Variants in CREB1 observed in about 807,000 individuals in gnomAD.
The protein encoded by CREB1 is cAMP responsive element binding protein 1.
In CREB1, 2 loss-of-function variants were observed where a neutral mutation model predicts 42.0. The observed-to-expected ratio is 0.05, with a 90% confidence interval of 0.02 to 0.15. The LOEUF (loss-of-function observed/expected upper bound fraction) is 0.15, where lower values mean the gene tolerates loss of function less well. Among genes scored for constraint, CREB1 ranks in the 10% least tolerant of loss-of-function variants. CREB1 has a pLI of 1.00. For missense variants in CREB1, 199 were observed against 388.9 expected, an observed-to-expected ratio of 0.51 and a Z score of 4.11; for synonymous variants, 123 against 139.9, an observed-to-expected ratio of 0.88 and a Z score of 0.85.
intron 7 of CREB1, among the ~76,000 whole-genome samples, chr2:207,587,524 G>A (rs1239748076): frequency 6.6e-6 from 1 of 152,048 alleles, no homozygotes; most frequent in African/African-American, 2.4e-5. Flanking sequence ...CAGTAGCTAA[G>A]ATAGGGAATC....
chr2:207,551,615 A>G (rs1255838023), intron 1 of CREB1, among the ~76,000 whole-genome samples: 3 of 152,194 alleles, frequency 2.0e-5, no homozygotes, highest in Admixed American at 6.5e-5. Flanking sequence ...GTGACCTCTT[A>G]CTCAATGGGT....
At chr2:207,548,808 T>G (rs1463401675) in intron 1 of CREB1, among the ~76,000 whole-genome samples, 2 of 152,166 alleles carry the variant, frequency 1.3e-5, no homozygotes, top group African/African-American at 4.8e-5. Flanking sequence ...TTGCCCTGTT[T>G]TTGATGACTA....
In CREB1 at chr2:207,605,057, C is replaced by T. The variant is rs917473360; in HGVS notation, c.*7999C>T. On this transcript the variant is annotated 3_prime_UTR_variant, in exon 8 of 8. Transcript: ENST00000353267. Reference sequence around the variant, plus strand: ...ATGTTCGTGTACAAGTATTTGAGTCCGTGTTTTCAATTATTTGGGGTATAT... The same window carrying T: ...ATGTTCGTGTACAAGTATTTGAGTCTGTGTTTTCAATTATTTGGGGTATAT... Among the ~76,000 whole-genome samples, 1 of 152,040 alleles carries T rather than the reference C, an allele frequency of 6.6e-6. No individual in the cohort carries two copies. Among genetic ancestry groups the T allele is most frequent in the Non-Finnish European group, 1.5e-5 (1 of 68,018 alleles).
chr2:207,539,707 G>A lies in CREB1; in HGVS notation c.-9+9573G>A, dbSNP rs1042784444. ...TACATGACAGAGTTTTTACTGTCTT[G>A]AAGAGCTACAGAGTTCAGAAGAGAA... On this transcript the variant is annotated intron_variant, in intron 1 of 7. Transcript: ENST00000353267. 2.6e-5 allele frequency among the ~76,000 whole-genome samples: 4 copies of A among 152,260 alleles called. No homozygotes were observed. The East Asian group carries it at 5.8e-4, about 22-fold the overall frequency.
chr2:207,587,794 G>A (rs1307835553), intron 7 of CREB1, among the ~76,000 whole-genome samples: 1 of 152,178 alleles, frequency 6.6e-6, no homozygotes, highest in Admixed American at 6.5e-5. Context: ...GCCTGGGAAG[G>A]GAAGGTGAGA....
chr2:207,539,966 G>T (rs914372237), intron 1 of CREB1, among the ~76,000 whole-genome samples: 3 of 152,206 alleles, frequency 2.0e-5, no homozygotes, highest in African/African-American at 7.2e-5. Context: ...TGAGTTTCAT[G>T]TAAGAGAAGG....
intron 5 of CREB1, among the ~76,000 whole-genome samples, chr2:207,574,487 T>C (rs1482579841): frequency 6.6e-6 from 1 of 152,204 alleles, no homozygotes; most frequent in East Asian, 1.9e-4. Flanking sequence ...TTTCATAAAG[T>C]GAAATATCTA....
In CREB1 at chr2:207,603,749, T is replaced by C. The variant is rs1297645632; in HGVS notation, c.*6691T>C. 1.3e-5 allele frequency among the ~76,000 whole-genome samples: 2 copies of C among 152,142 alleles called. No homozygotes were observed. Among genetic ancestry groups the C allele is most frequent in the African/African-American group, 4.8e-5 (2 of 41,434 alleles). ...GTGTTCACTGAAAGGACAATAAGAC[T>C]ATATACCTTCTCAGGTCCCCTTGCA... On this transcript the variant is annotated 3_prime_UTR_variant, in exon 8 of 8. Coordinates refer to ENST00000353267, the MANE Select transcript of CREB1 (RefSeq NM_004379.5).
chr2:207,563,080 G>T (rs2082014253), intron 3 of CREB1, among the ~76,000 whole-genome samples: 1 of 152,162 alleles, frequency 6.6e-6, no homozygotes, highest in South Asian at 2.1e-4. Context: ...ATGATGTGGA[G>T]GGAAGGGTGT....
intron 7 of CREB1, among the ~76,000 whole-genome samples, chr2:207,591,035 G>C (rs1461058810): frequency 6.6e-6 from 1 of 152,058 alleles, no homozygotes; most frequent in African/African-American, 2.4e-5. Flanking sequence ...ATCTTCCCAG[G>C]TGTTTTATGG....
chr2:207,568,478 C>A (rs2082225833), intron 4 of CREB1, among the ~76,000 whole-genome samples: 1 of 151,958 alleles, frequency 6.6e-6, no homozygotes, highest in African/African-American at 2.4e-5. Context: ...GCAAATCCAA[C>A]CAAATACTAC....
At chr2:207,558,166 A>G (rs370281138) in intron 2 of CREB1, among the ~76,000 whole-genome samples, 1 of 152,222 alleles carries the variant, frequency 6.6e-6, no homozygotes, top group Non-Finnish European at 1.5e-5. Flanking sequence ...ATTACTATCC[A>G]GAGATGGAAG....
Position 207,601,759 on chromosome 2 carries a change from A to T in CREB1, c.*4701A>T. On this transcript the variant is annotated 3_prime_UTR_variant, in exon 8 of 8. Transcript: ENST00000353267. ...AAATGCTGCCTAAATTTGATTTCAG[A>T]TGAGGAAGGAGAAAGTAAAGTGTGC... 9.2e-6 allele frequency: 2 copies of T among 217,590 alleles called. No individual in the cohort carries two copies. Among genetic ancestry groups the T allele is most frequent in the Middle Eastern group, 1.4e-3 (1 of 704 alleles). The allele number at this position is 217,590 out of a possible 1,614,324, so 13.5% of individuals were successfully genotyped here. A position where few individuals can be genotyped will look rare whatever the true frequency, so the allele number is the denominator to read the frequency against.
At chr2:207,549,613 G>A (rs2081422321) in intron 1 of CREB1, among the ~76,000 whole-genome samples, 1 of 152,124 alleles carries the variant, frequency 6.6e-6, no homozygotes, top group Non-Finnish European at 1.5e-5. Flanking sequence ...AGTGGCTCAC[G>A]CCTGTAGTCC....
rs529146425 is a variant in CREB1, at chr2:207,581,976, G to A, written c.839+4321G>A. 1.2e-4 allele frequency: 81 copies of A among 701,652 alleles called. 1 individual carries two copies. Among genetic ancestry groups the A allele is most frequent in the South Asian group, 1.1e-3 (75 of 67,342 alleles). 43.5% of individuals were successfully genotyped at this position (701,652 alleles called of 1,614,324 possible). Reference sequence around the variant, plus strand: ...GGATAGATTGAGATAATAGGTTTTGGGGAGGAATTCCACAGAGGTATAGTG... The same window carrying A: ...GGATAGATTGAGATAATAGGTTTTGAGGAGGAATTCCACAGAGGTATAGTG... On this transcript the variant is annotated intron_variant, in intron 7 of 7. Coordinates refer to ENST00000353267, the MANE Select transcript of CREB1 (RefSeq NM_004379.5).
intron 2 of CREB1, 86 bp from the exon 3 acceptor site, chr2:207,560,140 G>T: frequency 7.9e-7 from 1 of 1,265,788 alleles, no homozygotes; most frequent in Non-Finnish European, 1.1e-6. Context: ...TCACGTTTTT[G>T]CTTCTAAAAA....
rs1180013224 is a variant in CREB1 at position 207,601,227 on chromosome 2, T to C, written c.*4169T>C. Reference sequence around the variant, plus strand: ...ATTTATTTGGATTATATTTACATTCTGTCCTTTGTAAATGTTTGGTGTAAC... The same window carrying C: ...ATTTATTTGGATTATATTTACATTCCGTCCTTTGTAAATGTTTGGTGTAAC... On this transcript the variant is annotated 3_prime_UTR_variant, in exon 8 of 8. Coordinates refer to ENST00000353267, the MANE Select transcript of CREB1 (RefSeq NM_004379.5). 1.1e-5 allele frequency: 2 copies of C among 185,770 alleles called. No individual in the cohort carries two copies. Among genetic ancestry groups the C allele is most frequent in the Non-Finnish European group, 2.3e-5 (2 of 87,806 alleles). The allele number at this position is 185,770 out of a possible 1,614,324, so 11.5% of individuals were successfully genotyped here. A position where few individuals can be genotyped will look rare whatever the true frequency, so the allele number is the denominator to read the frequency against.
chr2:207,540,548 G>C (rs962619971), intron 1 of CREB1, among the ~76,000 whole-genome samples: 1 of 151,584 alleles, frequency 6.6e-6, no homozygotes, highest in Admixed American at 6.6e-5. Flanking sequence ...CGAGGCCAAG[G>C]CAGGAGAACC....
intron 7 of CREB1, among the ~76,000 whole-genome samples, chr2:207,591,929 A>G (rs2085118360): frequency 6.6e-6 from 1 of 152,126 alleles, no homozygotes; most frequent in Admixed American, 6.6e-5. Flanking sequence ...ACATTTATAT[A>G]TTTAATTTTC....
Sources: allele counts gnomAD v4.1 joint callset (sites outside exome capture counted in the v4.1 genomes callset), GRCh38; gene constraint gnomAD v4.1.1; transcripts MANE v1.5; gene names NCBI Gene and HGNC (gene_info 2026-07-23, HGNC 2026-07-21).